The following DNM3 variants were observed in gnomAD, a reference collection of about 807,000 sequenced individuals.
DNM3 encodes dynamin 3, also known as dynamin-3.
A neutral mutation model predicts 101.6 loss-of-function variants in DNM3; 47 were observed. That is an observed-to-expected ratio of 0.46 (90% CI 0.37 to 0.59). The LOEUF is 0.59. DNM3 is among the 20% of genes least tolerant of loss of function. The pLI is 0.00. For missense variants in DNM3, 849 were observed against 1,085.7 expected, an observed-to-expected ratio of 0.78 and a Z score of 3.06; for synonymous variants, 385 against 387.9, an observed-to-expected ratio of 0.99 and a Z score of 0.09.
intron 14 of DNM3, chr1:172,139,125 CAG>C: frequency 3.2e-6 from 1 of 307,748 alleles, no homozygotes; most frequent in Admixed American, 4.6e-5. Flanking sequence ...ATTTGCGTAA[CAG>C]AAAACTCACA....
chr1:172,130,541 C>G (rs566104956), intron 13 of DNM3, among the ~76,000 whole-genome samples: 2 of 152,150 alleles, frequency 1.3e-5, no homozygotes, highest in South Asian at 4.2e-4. Context: ...AGAGAACAAC[C>G]AGAAGATTTA....
chr1:171,843,728 A>G (rs560970906), intron 1 of DNM3, among the ~76,000 whole-genome samples: 1 of 152,212 alleles, frequency 6.6e-6, no homozygotes, highest in Non-Finnish European at 1.5e-5. Context: ...TCCTAATGTT[A>G]TAATAAAATT....
intron 17 of DNM3, among the ~76,000 whole-genome samples, chr1:172,374,653 CT>C (rs777324031): frequency 3.9e-5 from 6 of 152,072 alleles, no homozygotes; most frequent in Non-Finnish European, 5.9e-5. Flanking sequence ...ATAAGATCAA[CT>C]GCATACCTAT....
At chr1:171,929,653 TG>T (rs2040847437) in intron 2 of DNM3, among the ~76,000 whole-genome samples, 1 of 151,998 alleles carries the variant, frequency 6.6e-6, no homozygotes, top group Non-Finnish European at 1.5e-5. Context: ...AAAGGCTGGA[TG>T]GCTAAGTTGC....
intron 14 of DNM3, among the ~76,000 whole-genome samples, chr1:172,182,665 C>T (rs2059390284): frequency 6.6e-6 from 1 of 152,100 alleles, no homozygotes; most frequent in South Asian, 2.1e-4. Context: ...ATGCCCCTCC[C>T]TCTATCTGCA....
chr1:171,858,714 C>T (rs912763573), intron 1 of DNM3, among the ~76,000 whole-genome samples: 1 of 152,104 alleles, frequency 6.6e-6, no homozygotes, highest in Non-Finnish European at 1.5e-5. Context: ...AGCTATTAAT[C>T]ACCACTTCCA....
At chr1:172,067,011 CATA>C (rs1342328925) in intron 10 of DNM3, among the ~76,000 whole-genome samples, 10 of 151,842 alleles carry the variant, frequency 6.6e-5, no homozygotes, top group Admixed American at 1.3e-4. Context: ...ACTTTTGATA[CATA>C]ATGTCAAATT....
At chr1:172,191,390 C>T (rs1267680398) in intron 14 of DNM3, among the ~76,000 whole-genome samples, 1 of 152,102 alleles carries the variant, frequency 6.6e-6, no homozygotes, top group Non-Finnish European at 1.5e-5. Flanking sequence ...TGTTTTGGTA[C>T]CAGTACCATC....
At position 172,312,962 on chromosome 1, in the gene DNM3, AAGG is replaced by A. The variant is rs1274291004; in HGVS notation, c.1881+4129_1881+4131del. Among the ~76,000 whole-genome samples the A allele has an allele frequency of 3.9e-5, 6 of 152,340 alleles. No homozygotes were observed. The South Asian group carries it at 6.2e-4, about 16-fold the overall frequency. On this transcript the variant is annotated intron_variant, in intron 16 of 20. Coordinates refer to ENST00000627582, the MANE Select transcript of DNM3 (RefSeq NM_015569.5). ...GTGGCATCTATGGCTCTAAAATGGA[AAGG>A]AGGAGTCCTGGATTCAGGCTACTGA...
intron 15 of DNM3, among the ~76,000 whole-genome samples, chr1:172,262,039 A>G (rs2062675963): frequency 6.6e-6 from 1 of 152,174 alleles, no homozygotes; most frequent in East Asian, 1.9e-4. Context: ...GGTAGGCAGA[A>G]GTAGGGTGAT....
At chr1:172,195,630 T>C (rs1336815760) in intron 14 of DNM3, among the ~76,000 whole-genome samples, 1 of 151,898 alleles carries the variant, frequency 6.6e-6, no homozygotes, top group East Asian at 1.9e-4. Flanking sequence ...GTTTTTATCA[T>C]GATGGTTGTT....
chr1:172,106,985 C>T (rs374786224), intron 13 of DNM3, among the ~76,000 whole-genome samples: 2 of 149,346 alleles, frequency 1.3e-5, no homozygotes, highest in African/African-American at 2.5e-5. Flanking sequence ...CTCAGCCTCC[C>T]GAGTAGCTGG....
intron 1 of DNM3, among the ~76,000 whole-genome samples, chr1:171,873,701 G>A (rs976955034): frequency 1.3e-5 from 2 of 152,160 alleles, no homozygotes; most frequent in Admixed American, 6.5e-5. Flanking sequence ...AATGCCTGAT[G>A]TTCTTAACTA....
chr1:172,183,561 AT>A (rs1313437915), intron 14 of DNM3, among the ~76,000 whole-genome samples: 1 of 152,006 alleles, frequency 6.6e-6, no homozygotes, highest in Non-Finnish European at 1.5e-5. Flanking sequence ...GTTGCTTAAA[AT>A]TATTGCCAAT....
chr1:171,981,127 A>G (rs1017672593), intron 2 of DNM3, among the ~76,000 whole-genome samples: 3 of 152,154 alleles, frequency 2.0e-5, no homozygotes, highest in African/African-American at 7.2e-5. Flanking sequence ...AGTAAAATGT[A>G]TCTCTGCCTT....
intron 14 of DNM3, among the ~76,000 whole-genome samples, chr1:172,226,553 C>A (rs138362927): frequency 1.7e-4 from 26 of 152,274 alleles, no homozygotes; most frequent in Admixed American, 7.2e-4. Context: ...CTCCCTGCCA[C>A]CAGGCATATG....
chr1:172,381,289 T>A (rs187759542), intron 18 of DNM3, among the ~76,000 whole-genome samples: 3 of 151,998 alleles, frequency 2.0e-5, no homozygotes, highest in Non-Finnish European at 4.4e-5. Flanking sequence ...ATCACCAAGG[T>A]CAAATCTTGA....
At chr1:172,148,841 T>A (rs1218141440) in intron 14 of DNM3, among the ~76,000 whole-genome samples, 5 of 152,112 alleles carry the variant, frequency 3.3e-5, no homozygotes. Flanking sequence ...TTGTTAGGGC[T>A]CAAAGGAATA....
chr1:172,027,450 A>T (rs1000754747), intron 4 of DNM3, among the ~76,000 whole-genome samples: 2 of 152,072 alleles, frequency 1.3e-5, no homozygotes, highest in Non-Finnish European at 2.9e-5. Flanking sequence ...GCGTGGTGGC[A>T]TGCGCACATA....
Sources: gnomAD v4.1 joint callset for allele counts (sites outside exome capture counted in the v4.1 genomes callset) on GRCh38, gnomAD v4.1.1 for gene constraint, MANE v1.5 for transcripts, NCBI Gene and HGNC (gene_info 2026-07-23, HGNC 2026-07-21) for gene names.